Variants in PLCB4 observed in about 807,000 individuals in gnomAD.
PLCB4 encodes the protein 1-phosphatidylinositol 4,5-bisphosphate phosphodiesterase beta-4.
A neutral mutation model predicts 178.8 loss-of-function variants in PLCB4; 77 were observed. The ratio of observed to expected loss-of-function variants is 0.43; its 90% CI spans 0.36 to 0.52. The LOEUF is 0.52. Among genes scored for constraint, PLCB4 ranks in the 20% least tolerant of loss-of-function variants. The pLI is 0.00. For missense variants in PLCB4, 1,024 were observed against 1,453.4 expected, an observed-to-expected ratio of 0.70 and a Z score of 4.80; for synonymous variants, 496 against 490.8, an observed-to-expected ratio of 1.01 and a Z score of -0.14.
chr20:9,190,828 T>A (rs2093392944), intron 2 of PLCB4, among the ~76,000 whole-genome samples: 1 of 152,158 alleles, frequency 6.6e-6, no homozygotes, highest in Non-Finnish European at 1.5e-5. Flanking sequence ...TATGCTCTCC[T>A]TTTACAATAA....
chr20:9,476,138 G>A (rs746174907), intron 38 of PLCB4, among the ~76,000 whole-genome samples: 2 of 152,194 alleles, frequency 1.3e-5, no homozygotes, highest in Non-Finnish European at 2.9e-5. Context: ...GGGGGCACTG[G>A]CAGAAACAAA....
chr20:9,084,862 C>A (rs1055096724), intron 1 of PLCB4, among the ~76,000 whole-genome samples: 4 of 151,962 alleles, frequency 2.6e-5, no homozygotes, highest in Non-Finnish European at 5.9e-5. Context: ...ACCATCCTGG[C>A]TAACACAGTG....
chr20:9,180,208 A>G (rs1043798605), intron 2 of PLCB4, among the ~76,000 whole-genome samples: 1 of 152,122 alleles, frequency 6.6e-6, no homozygotes, highest in Non-Finnish European at 1.5e-5. Flanking sequence ...CATAATAAAA[A>G]TTTTTCTGCC....
chr20:9,334,626 A>G (rs962386434), intron 4 of PLCB4, among the ~76,000 whole-genome samples: 1 of 152,316 alleles, frequency 6.6e-6, no homozygotes, highest in Admixed American at 6.5e-5. Flanking sequence ...TAAATGAGAC[A>G]TGGAAGTTGC....
intron 3 of PLCB4, among the ~76,000 whole-genome samples, chr20:9,299,567 T>C (rs535998524): frequency 7.9e-5 from 12 of 152,194 alleles, no homozygotes; most frequent in African/African-American, 2.9e-4. Flanking sequence ...TAAGAGCATT[T>C]GTCTTTGCTT....
chr20:9,431,490 G>A (rs529039460), intron 28 of PLCB4, among the ~76,000 whole-genome samples: 54 of 152,118 alleles, frequency 3.5e-4, no homozygotes, highest in Non-Finnish European at 6.3e-4. Flanking sequence ...TTATGAGACA[G>A]AGTCTTGCTC....
chr20:9,463,106 C>A (rs911367809), intron 35 of PLCB4, among the ~76,000 whole-genome samples: 1 of 152,210 alleles, frequency 6.6e-6, no homozygotes, highest in Non-Finnish European at 1.5e-5. Flanking sequence ...AAGTAGGGGC[C>A]AATATTCAAC....
intron 17 of PLCB4, among the ~76,000 whole-genome samples, chr20:9,391,508 A>G (rs536441021): frequency 1.3e-5 from 2 of 152,340 alleles, no homozygotes; most frequent in South Asian, 2.1e-4. Context: ...TTTGTGCTAC[A>G]TGTAAACACT....
At chr20:9,144,761 A>AAGGAGGGGG (rs1284595258) in intron 2 of PLCB4, among the ~76,000 whole-genome samples, 6 of 51,528 alleles carry the variant, frequency 1.2e-4, no homozygotes, top group African/African-American at 2.9e-4. Context: ...GAAGGAGGGG[A>AAGGAGGGGG]AGGAGGGGAA....
intron 39 of PLCB4, among the ~76,000 whole-genome samples, 176 bp downstream of exon 39, chr20:9,476,929 G>A (rs2044587568): frequency 6.6e-6 from 1 of 152,102 alleles, no homozygotes. Context: ...ATGCCAAAAT[G>A]CCCTAAGTCT....
intron 3 of PLCB4, among the ~76,000 whole-genome samples, chr20:9,226,769 A>C (rs1348038368): frequency 6.6e-6 from 1 of 152,132 alleles, no homozygotes; most frequent in Non-Finnish European, 1.5e-5. Context: ...GTAGAAAGGA[A>C]TTAAGAGTCT....
chr20:9,470,733 A>G (rs896470582), intron 36 of PLCB4, among the ~76,000 whole-genome samples: 1 of 152,134 alleles, frequency 6.6e-6, no homozygotes, highest in Admixed American at 6.5e-5. Flanking sequence ...TACGTGAGAA[A>G]ACTTTACATG....
chr20:9,373,813 A>G (rs913845414), intron 12 of PLCB4, among the ~76,000 whole-genome samples: 2 of 152,226 alleles, frequency 1.3e-5, no homozygotes, highest in African/African-American at 4.8e-5. Flanking sequence ...TTTTATTACA[A>G]CTAAAATGAA....
At chr20:9,393,988 T>C (rs1203100782) in intron 18 of PLCB4, among the ~76,000 whole-genome samples, 1 of 152,212 alleles carries the variant, frequency 6.6e-6, no homozygotes, top group Non-Finnish European at 1.5e-5. Context: ...CAGCATTTTA[T>C]AATTTTATAC....
chr20:9,403,256 T>C (rs1412835708), intron 20 of PLCB4, among the ~76,000 whole-genome samples: 1 of 152,154 alleles, frequency 6.6e-6, no homozygotes, highest in East Asian at 1.9e-4. Context: ...CAAAAGATCG[T>C]ATTTGAAACA....
chr20:9,227,510 T>C (rs2093881731), intron 3 of PLCB4, among the ~76,000 whole-genome samples: 1 of 152,156 alleles, frequency 6.6e-6, no homozygotes, highest in Admixed American at 6.6e-5. Context: ...TGATGTGAGG[T>C]AGGGGTCTAA....
chr20:9,126,832 A>G (rs940495583), intron 2 of PLCB4, among the ~76,000 whole-genome samples: 16 of 151,390 alleles, frequency 1.1e-4, no homozygotes, highest in Admixed American at 5.9e-4. Flanking sequence ...TGCATCACAA[A>G]GGAAGCATTC....
At chr20:9,273,022 G>A (rs1290194577) in intron 3 of PLCB4, among the ~76,000 whole-genome samples, 2 of 152,008 alleles carry the variant, frequency 1.3e-5, no homozygotes, top group Non-Finnish European at 2.9e-5. Flanking sequence ...TAATTCAGAG[G>A]AGGCTGGATT....
At chr20:9,362,840 C>G (rs375321758) in intron 7 of PLCB4, 56 bp from the exon 8 acceptor site, 6 of 1,068,844 alleles carry the variant, frequency 5.6e-6, no homozygotes, top group Non-Finnish European at 8.7e-6. Context: ...ATAAAAACTG[C>G]TCTATTTGAC....
Sources: gnomAD v4.1 joint callset for allele counts (sites outside exome capture counted in the v4.1 genomes callset) on GRCh38, gnomAD v4.1.1 for gene constraint, MANE v1.5 for transcripts, NCBI Gene and HGNC (gene_info 2026-07-23, HGNC 2026-07-21) for gene names.